Variants in CEP192 observed in about 807,000 individuals in gnomAD.
CEP192 encodes the protein centrosomal protein of 192 kDa.
CEP192 carries 151 observed loss-of-function variants against 271.8 expected under a neutral mutation model. That is an observed-to-expected ratio of 0.56 (90% CI 0.49 to 0.64). CEP192 has a LOEUF of 0.64. Ranked by LOEUF, CEP192 falls within the 30% of genes least tolerant of loss-of-function variation. The probability of loss-of-function intolerance (pLI) is 0.00; values close to 1 mark genes in which losing one functional copy is unlikely to be tolerated. For synonymous variants in CEP192, 995 were observed against 1,076.5 expected (o/e 0.92, Z 1.48); for missense variants, 2,910 against 3,020.5 (o/e 0.96, Z 0.86).
chr18:13,082,957 G>A (rs906632232), intron 30 of CEP192, among the ~76,000 whole-genome samples: 2 of 152,166 alleles, frequency 1.3e-5, no homozygotes, highest in African/African-American at 4.8e-5. Flanking sequence ...CCCCCACTCT[G>A]TTCTGGCTTG....
At chr18:13,040,685 G>C (rs978025225) in intron 13 of CEP192, 145 bp from the exon 14 acceptor site, 1 of 559,730 alleles carries the variant, frequency 1.8e-6, no homozygotes, top group Admixed American at 3.6e-5. Context: ...GACCTTTGAA[G>C]GTCATCTCTA....
In CEP192 at chr18:13,115,687, G is replaced by C. The variant is rs150061751; in HGVS notation, c.7290-690G>C. ...GACTGGATAAAGGGGATGGCTGTGA[G>C]AGGGTCGGCTCCCAGATACCATTCA... On this transcript the variant is annotated intron_variant, in intron 42 of 44. Transcript: ENST00000506447. 1.3e-3 allele frequency among the ~76,000 whole-genome samples: 197 copies of C among 152,316 alleles called. 2 individuals are homozygous for C. Among genetic ancestry groups the C allele is most frequent in the African/African-American group, 4.6e-3 (190 of 41,564 alleles).
chr18:13,006,200 A>G (rs1444971223), intron 3 of CEP192, among the ~76,000 whole-genome samples: 2 of 151,390 alleles, frequency 1.3e-5, no homozygotes, highest in Non-Finnish European at 2.9e-5. Flanking sequence ...CGTTCTAGGT[A>G]AGTTTCTTTT....
chr18:13,111,012 A>G (rs915728197), intron 40 of CEP192, among the ~76,000 whole-genome samples: 1 of 152,218 alleles, frequency 6.6e-6, no homozygotes, highest in African/African-American at 2.4e-5. Flanking sequence ...CCCAGTTCAC[A>G]GACTCAAATG....
chr18:13,110,971 T>C (rs999662056), intron 40 of CEP192, among the ~76,000 whole-genome samples: 2 of 152,194 alleles, frequency 1.3e-5, no homozygotes, highest in Admixed American at 1.3e-4. Flanking sequence ...TGATTGGATG[T>C]GCTCACCCAC....
intron 30 of CEP192, among the ~76,000 whole-genome samples, chr18:13,081,479 A>G (rs2038604515): frequency 6.6e-6 from 1 of 152,028 alleles, no homozygotes; most frequent in South Asian, 2.1e-4. Flanking sequence ...ATCGGTGGTG[A>G]TATCCCCTTT....
intron 6 of CEP192, among the ~76,000 whole-genome samples, chr18:13,016,031 C>T (rs2034626718): frequency 6.6e-6 from 1 of 152,176 alleles, no homozygotes; most frequent in African/African-American, 2.4e-5. Context: ...CAGGCGTGAG[C>T]CATCGCGCCT....
intron 36 of CEP192, among the ~76,000 whole-genome samples, chr18:13,096,967 G>A (rs977136440): frequency 6.6e-6 from 1 of 152,144 alleles, no homozygotes; most frequent in African/African-American, 2.4e-5. Context: ...ACATCTGCAC[G>A]TTCCTTTATA....
chr18:13,088,547 T>C (rs1255151870), intron 32 of CEP192, among the ~76,000 whole-genome samples: 1 of 152,220 alleles, frequency 6.6e-6, no homozygotes, highest in Admixed American at 6.5e-5. Context: ...TTTAAAGATA[T>C]GAATTCTCTT....
chr18:12,992,472 T>A (rs1422169032), intron 1 of CEP192, among the ~76,000 whole-genome samples: 1 of 152,138 alleles, frequency 6.6e-6, no homozygotes, highest in African/African-American at 2.4e-5. Context: ...TGAGTCCAGA[T>A]GTGAAATTTG....
At chr18:13,040,290 A>G (rs893161823) in intron 13 of CEP192, among the ~76,000 whole-genome samples, 9 of 152,238 alleles carry the variant, frequency 5.9e-5, no homozygotes, top group Non-Finnish European at 8.8e-5. Flanking sequence ...GAAAGTGAAG[A>G]CCAATAAAAA....
At chr18:13,017,374 A>T (rs747834814) in intron 7 of CEP192, 38 bp downstream of exon 7, 1 of 1,439,252 alleles carries the variant, frequency 6.9e-7, no homozygotes, top group South Asian at 1.4e-5. Flanking sequence ...GAAATTTGAC[A>T]TTAGAAAATT....
At position 13,054,876 on chromosome 18, in the gene CEP192, T is replaced by C. The variant is rs188906778; in HGVS notation, c.3190-904T>C. On this transcript the variant is annotated intron_variant, in intron 18 of 44. Transcript: ENST00000506447. ...GCTGCAGATGTCACTCCTCAGATTA[T>C]GCATTATGTACAAACAAATGAGTGT... Among the ~76,000 whole-genome samples the C allele has an allele frequency of 4.6e-5, 7 of 152,324 alleles. No individual in the cohort carries two copies. In the East Asian group the frequency reaches 1.2e-3, roughly 25 times the overall value.
chr18:13,058,295 G>A (rs2037221307), intron 20 of CEP192: 1 of 152,324 alleles, frequency 6.6e-6, no homozygotes, highest in Non-Finnish European at 1.5e-5. Flanking sequence ...TGGTTACAGT[G>A]ACCATTTGAA....
intron 28 of CEP192, among the ~76,000 whole-genome samples, 186 bp from the exon 29 acceptor site, chr18:13,072,569 G>A (rs527569910): frequency 6.6e-6 from 1 of 152,348 alleles, no homozygotes; most frequent in African/African-American, 2.4e-5. Context: ...TATAAGGTGA[G>A]TCTTGAGCCT....
chr18:13,003,082 A>G (rs2033749707), intron 3 of CEP192, among the ~76,000 whole-genome samples: 1 of 151,590 alleles, frequency 6.6e-6, no homozygotes, highest in Admixed American at 6.6e-5. Context: ...AAGTGCTAGA[A>G]AAAAATAGAA....
At chr18:13,078,841 G>A (rs532763201) in intron 30 of CEP192, among the ~76,000 whole-genome samples, 10 of 152,182 alleles carry the variant, frequency 6.6e-5, no homozygotes, top group Admixed American at 3.9e-4. Context: ...CAGTGTCCAA[G>A]TGTTCTCATT....
chr18:13,017,097 T>C, intron 6 of CEP192, 91 bp from the exon 7 acceptor site: 2 of 961,462 alleles, frequency 2.1e-6, no homozygotes, highest in Non-Finnish European at 3.0e-6. Flanking sequence ...GTCCATTGAC[T>C]CATTTATGTC....
chr18:13,053,932 T>A (rs994158190), intron 18 of CEP192, among the ~76,000 whole-genome samples: 1 of 152,204 alleles, frequency 6.6e-6, no homozygotes, highest in African/African-American at 2.4e-5. Context: ...GCTCAGGTGT[T>A]CCTTCTGCCT....
Sources: gnomAD v4.1 joint callset for allele counts (sites outside exome capture counted in the v4.1 genomes callset) on GRCh38, gnomAD v4.1.1 for gene constraint, MANE v1.5 for transcripts, NCBI Gene and HGNC (gene_info 2026-07-23, HGNC 2026-07-21) for gene names.